The following CAMTA1 variants were observed in gnomAD, a reference collection of about 807,000 sequenced individuals.
The protein encoded by CAMTA1 is calmodulin binding transcription activator 1.
A neutral mutation model predicts 170.9 loss-of-function variants in CAMTA1; 27 were observed. That is an observed-to-expected ratio of 0.16 (90% CI 0.12 to 0.22). The LOEUF is 0.22. CAMTA1 is among the 10% of genes least tolerant of loss of function. CAMTA1 has a pLI of 1.00. For missense variants in CAMTA1, 1,619 were observed against 2,217.2 expected (o/e 0.73, Z 5.42); for synonymous variants, 833 against 891.5 (o/e 0.93, Z 1.17).
chr1:7,480,023 G>T (rs1054425035), intron 6 of CAMTA1, among the ~76,000 whole-genome samples: 2 of 152,058 alleles, frequency 1.3e-5, no homozygotes, highest in Non-Finnish European at 2.9e-5. Flanking sequence ...GTATGACTCT[G>T]AGTGCATGTG....
In CAMTA1 at chr1:7,509,043, C is replaced by A. The variant is rs147025446; in HGVS notation, c.510+41142C>A. Among the ~76,000 whole-genome samples the A allele has an allele frequency of 6.3e-3, 958 of 152,322 alleles. 6 individuals are homozygous for A. The highest frequency in any genetic ancestry group is 0.014 in the Middle Eastern group (4 of 294). ...CCTCCCTTCCCGGGTCTGTCCTGGG[C>A]TCCCTGGCTGCTGTGGGTCCCCCCA... On this transcript the variant is annotated intron_variant, in intron 6 of 22. Coordinates refer to ENST00000303635, the MANE Select transcript of CAMTA1 (RefSeq NM_015215.4).
chr1:7,326,224 CAT>C (rs890612743), intron 5 of CAMTA1, among the ~76,000 whole-genome samples: 11 of 152,112 alleles, frequency 7.2e-5, no homozygotes, highest in Non-Finnish European at 1.2e-4. Flanking sequence ...AGGAACAAAA[CAT>C]AAAATTACAT....
At chr1:7,105,262 T>A (rs1231783202) in intron 4 of CAMTA1, among the ~76,000 whole-genome samples, 1 of 152,262 alleles carries the variant, frequency 6.6e-6, no homozygotes, top group African/African-American at 2.4e-5. Flanking sequence ...TAACAAAGGC[T>A]GATTTTAAAT....
At chr1:6,857,154 A>T (rs1487927646) in intron 3 of CAMTA1, among the ~76,000 whole-genome samples, 1 of 152,146 alleles carries the variant, frequency 6.6e-6, no homozygotes, top group East Asian at 1.9e-4. Flanking sequence ...ACTGGGTGCA[A>T]TTTGCAGGAA....
At chr1:6,958,383 C>T (rs566111313) in intron 3 of CAMTA1, among the ~76,000 whole-genome samples, 8 of 152,320 alleles carry the variant, frequency 5.3e-5, no homozygotes, top group South Asian at 2.1e-4. Context: ...TCCGCAGCCC[C>T]GGACCCCCTG....
chr1:7,332,142 G>A (rs938283739), intron 5 of CAMTA1, among the ~76,000 whole-genome samples: 3 of 152,206 alleles, frequency 2.0e-5, no homozygotes, highest in Non-Finnish European at 4.4e-5. Context: ...AGGGGCTGCT[G>A]GTGTGGGGCC....
chr1:7,050,650 G>A lies in CAMTA1; in HGVS notation c.235-40654G>A, dbSNP rs575914699. Among the ~76,000 whole-genome samples the A allele has an allele frequency of 3.6e-4, 54 of 151,992 alleles. 1 individual carries two copies. The highest frequency in any genetic ancestry group is 1.1e-3 in the African/African-American group (47 of 41,482). ...TTGTAGGTTTATCACCAAGGTAGAAGAGTTCATTGTCTATTTCTTAGGTGA... is the reference window on the plus strand; with the variant it reads ...TTGTAGGTTTATCACCAAGGTAGAAAAGTTCATTGTCTATTTCTTAGGTGA... On this transcript the variant is annotated intron_variant, in intron 3 of 22. Transcript: ENST00000303635. The surrounding 1 kb of genome is among the most constrained non-coding windows in gnomAD (Gnocchi z 4.8).
In CAMTA1 at chr1:7,170,087, C is replaced by T. The variant is rs549234901; in HGVS notation, c.302+78716C>T. On this transcript the variant is annotated intron_variant, in intron 4 of 22. Transcript: ENST00000303635. Reference sequence around the variant, plus strand: ...TCTTTGAATTTATTCTACTTTCCTTCTTCTAATTTCTTAAGCAGGAGCATT... The same window carrying T: ...TCTTTGAATTTATTCTACTTTCCTTTTTCTAATTTCTTAAGCAGGAGCATT... 3.9e-5 allele frequency among the ~76,000 whole-genome samples: 6 copies of T among 152,140 alleles called. No homozygotes were observed. In the East Asian group the frequency reaches 1.2e-3, roughly 29 times the overall value.
intron 6 of CAMTA1, among the ~76,000 whole-genome samples, chr1:7,524,375 T>A (rs1391367001): frequency 6.6e-6 from 1 of 152,212 alleles, no homozygotes; most frequent in Non-Finnish European, 1.5e-5. Context: ...AGTTCTAGAT[T>A]TTTTTTGTAG....
intron 3 of CAMTA1, among the ~76,000 whole-genome samples, chr1:6,884,030 G>A (rs908470657): frequency 1.3e-5 from 2 of 152,248 alleles, no homozygotes; most frequent in African/African-American, 4.8e-5. Context: ...CAGGTGCTCA[G>A]TGGCTGCCTT....
intron 9 of CAMTA1, among the ~76,000 whole-genome samples, chr1:7,668,424 CA>C (rs1348274541): frequency 1.9e-4 from 26 of 138,556 alleles, no homozygotes; most frequent in Admixed American, 1.5e-3. Flanking sequence ...CACACACACA[CA>C]CACACACCCA....
chr1:7,556,474 C>A (rs2094879544), intron 6 of CAMTA1, among the ~76,000 whole-genome samples: 1 of 152,190 alleles, frequency 6.6e-6, no homozygotes, highest in African/African-American at 2.4e-5. Context: ...CATGCTCTCA[C>A]CCTTGCAAAC....
At chr1:6,987,203 C>T (rs1357883276) in intron 3 of CAMTA1, among the ~76,000 whole-genome samples, 1 of 150,932 alleles carries the variant, frequency 6.6e-6, no homozygotes, top group African/African-American at 2.4e-5. Flanking sequence ...CACTCTGTCA[C>T]CCAGGCTGGA....
At chr1:7,528,425 GT>G (rs771509677) in intron 6 of CAMTA1, among the ~76,000 whole-genome samples, 25 of 151,490 alleles carry the variant, frequency 1.7e-4, no homozygotes, top group African/African-American at 2.4e-4. Context: ...TAATATTTTG[GT>G]TTTTTAAAAA....
rs114670273 is a variant in CAMTA1, at chr1:7,548,625, C to T, written c.510+80724C>T. ...GTGGAGATGCCCATGGAAGGTATCC[C>T]CTTAGGGGTGGAGGTGCTGGTGGAG... On this transcript the variant is annotated intron_variant, in intron 6 of 22. Coordinates refer to ENST00000303635, the MANE Select transcript of CAMTA1 (RefSeq NM_015215.4). Among the ~76,000 whole-genome samples the T allele has an allele frequency of 8.4e-3, 1,235 of 146,570 alleles. 14 individuals are homozygous for T. The highest frequency in any genetic ancestry group is 0.03 in the African/African-American group (1,160 of 39,142).
chr1:7,012,261 C>G (rs927991210), intron 3 of CAMTA1, among the ~76,000 whole-genome samples: 1 of 152,162 alleles, frequency 6.6e-6, no homozygotes, highest in African/African-American at 2.4e-5. Context: ...GCCCCCAACA[C>G]TCCTCCCGCC....
intron 4 of CAMTA1, among the ~76,000 whole-genome samples, chr1:7,131,758 A>G (rs1453151018): frequency 6.6e-6 from 1 of 152,120 alleles, no homozygotes; most frequent in Non-Finnish European, 1.5e-5. Context: ...TCAGGGGTGT[A>G]CATATTCCAA....
intron 3 of CAMTA1, among the ~76,000 whole-genome samples, chr1:7,077,238 T>A (rs941452610): frequency 9.9e-5 from 15 of 151,890 alleles, no homozygotes; most frequent in African/African-American, 3.6e-4. Context: ...TTTTTTTTTT[T>A]TTTTTTGGAT....
At chr1:7,221,608 C>T (rs77410237) in intron 4 of CAMTA1, among the ~76,000 whole-genome samples, 51 of 152,074 alleles carry the variant, frequency 3.4e-4, no homozygotes, top group Middle Eastern at 6.8e-3. Flanking sequence ...TCTCCAGGCC[C>T]GTGGAATGGG....
Sources: allele counts gnomAD v4.1 joint callset (sites outside exome capture counted in the v4.1 genomes callset), GRCh38; gene constraint gnomAD v4.1.1; non-coding constraint Gnocchi (gnomAD v3.1); transcripts MANE v1.5; gene names NCBI Gene and HGNC (gene_info 2026-07-23, HGNC 2026-07-21).